SMC1B: variants seen among roughly 807,000 people sequenced by gnomAD.
SMC1B encodes the protein structural maintenance of chromosomes protein 1B.
SMC1B carries 60 observed loss-of-function variants against 157.9 expected under a neutral mutation model. That is an observed-to-expected ratio of 0.38 (90% CI 0.31 to 0.47). The LOEUF is 0.47. Among genes scored for constraint, SMC1B ranks in the 20% least tolerant of loss-of-function variants. The pLI is 0.99. For missense variants in SMC1B, 1,165 were observed against 1,426.2 expected (o/e 0.82, Z 2.95); for synonymous variants, 445 against 483.0 (o/e 0.92, Z 1.03).
intron 1 of SMC1B, among the ~76,000 whole-genome samples, chr22:45,412,721 G>T (rs891346385): frequency 1.4e-4 from 22 of 152,156 alleles, no homozygotes; most frequent in African/African-American, 5.1e-4. Flanking sequence ...GGCCTCTCCA[G>T]ACCTCAGTTT....
chr22:45,364,543 C>T lies in SMC1B; in HGVS notation c.2421-1517G>A, dbSNP rs2086753923. 2.0e-5 allele frequency among the ~76,000 whole-genome samples: 3 copies of T among 152,094 alleles called. No individual in the cohort carries two copies. The South Asian group carries it at 6.2e-4, about 32-fold the overall frequency. On this transcript the variant is annotated intron_variant, in intron 15 of 24. Coordinates refer to ENST00000357450, the MANE Select transcript of SMC1B (RefSeq NM_148674.5). ...AGGAACAGAGAGCTAAGCAACTTGC[C>T]CAAGGCTACCCACTTAGTGGTAGAG...
At chr22:45,388,986 C>CAA (rs371475132) in intron 10 of SMC1B, among the ~76,000 whole-genome samples, 799 of 54,420 alleles carry the variant, frequency 0.015, 74 homozygotes, top group African/African-American at 0.045. Context: ...GACTCTGCCT[C>CAA]AAAAAAAAAA....
intron 12 of SMC1B, among the ~76,000 whole-genome samples, chr22:45,379,787 C>T (rs560342428): frequency 6.1e-4 from 75 of 122,248 alleles, no homozygotes; most frequent in African/African-American, 2.4e-3. Context: ...GGCTGGAGTG[C>T]AGTGGCGCAA....
In SMC1B at chr22:45,389,902, G is replaced by C. The variant is rs1215933941; in HGVS notation, c.1546-5C>G. On this transcript the variant is annotated splice_region_variant and splice_polypyrimidine_tract_variant and intron_variant, in intron 9 of 24. Coordinates refer to ENST00000357450, the MANE Select transcript of SMC1B (RefSeq NM_148674.5). ...CAGGTCAAATAGTCTTCCAAACTTA[G>C]CAGGTTTCAAAAAAGGAGAGAAAAA... The C allele has an allele frequency of 6.2e-7, 1 of 1,606,542 alleles. No individual in the cohort carries two copies. The highest frequency in any genetic ancestry group is 1.7e-5 in the Admixed American group (1 of 58,082).
In SMC1B at chr22:45,402,365, A is replaced by G; in HGVS notation, c.822T>C (p.Thr274=). The part of the protein sequence containing the change: ...KARKKEHGML[T]RQLQQTEKEL... ...CTTTTTCTGTTTGTTGTAGTTGTCT[A>G]GTTAGCATTCCATGTTCCTTTTTCC... Residue 274 remains threonine (T), a synonymous_variant, in exon 5 of 25, where the codon ACT becomes ACC. Transcript: ENST00000357450. 6.2e-7 allele frequency: 1 copy of G among 1,613,348 alleles called. No individual in the cohort carries two copies. The highest frequency in any genetic ancestry group is 1.1e-5 in the South Asian group (1 of 90,944).
chr22:45,352,318 G>T, intron 22 of SMC1B, 133 bp downstream of exon 22: 2 of 747,638 alleles, frequency 2.7e-6, no homozygotes, highest in Non-Finnish European at 3.9e-6. Context: ...AATCTGAATT[G>T]TCTGGCTGAA....
intron 4 of SMC1B, among the ~76,000 whole-genome samples, chr22:45,404,447 C>CT (rs1023267636): frequency 3.3e-5 from 5 of 152,082 alleles, no homozygotes; most frequent in African/African-American, 9.7e-5. Flanking sequence ...TTTTCCAAAC[C>CT]TTTTTTCCTG....
At chr22:45,375,398 T>G (rs1042115176) in intron 12 of SMC1B, among the ~76,000 whole-genome samples, 2 of 152,224 alleles carry the variant, frequency 1.3e-5, no homozygotes, top group African/African-American at 4.8e-5. Context: ...TGTCAGGACC[T>G]CCTGAGACTG....
chr22:45,398,579 C>T (rs1022877585), intron 6 of SMC1B, among the ~76,000 whole-genome samples: 1 of 152,178 alleles, frequency 6.6e-6, no homozygotes, highest in African/African-American at 2.4e-5. Flanking sequence ...CCTGTAATCC[C>T]CGTACTTTGG....
Position 45,413,437 on chromosome 22 carries a change from GCGCCCTGAGCTGCT to G in SMC1B, c.109+8_109+21del. ...CTGGGACGGCGGAGGCGCTCCGGTG[GCGCCCTGAGCTGCT>G]CAGTTACCAGAGCCGTTGGGGCCGA... On this transcript the variant is annotated splice_region_variant and intron_variant, in intron 1 of 24. Transcript: ENST00000357450. The G allele has an allele frequency of 6.4e-7, 1 of 1,562,130 alleles. No homozygotes were observed. The highest frequency in any genetic ancestry group is 8.7e-7 in the Non-Finnish European group (1 of 1,146,908).
chr22:45,381,372 G>C (rs954791995), intron 12 of SMC1B, among the ~76,000 whole-genome samples: 1 of 152,058 alleles, frequency 6.6e-6, no homozygotes, highest in African/African-American at 2.4e-5. Context: ...CCCTGAGACA[G>C]AGACCACCCT....
intron 12 of SMC1B, among the ~76,000 whole-genome samples, chr22:45,382,205 TA>T (rs1169869928): frequency 6.6e-6 from 1 of 152,188 alleles, no homozygotes; most frequent in African/African-American, 2.4e-5. Flanking sequence ...CCAGAAGTTA[TA>T]AAAGATTAAA....
intron 12 of SMC1B, among the ~76,000 whole-genome samples, chr22:45,374,413 G>A (rs2086865538): frequency 6.6e-6 from 1 of 152,142 alleles, no homozygotes; most frequent in Admixed American, 6.6e-5. Context: ...ATCAGGCCCA[G>A]TACAATACAG....
At chr22:45,407,570 T>G (rs1322373803) in intron 2 of SMC1B, among the ~76,000 whole-genome samples, 1 of 152,020 alleles carries the variant, frequency 6.6e-6, no homozygotes, top group East Asian at 1.9e-4. Context: ...CAAGTCATCT[T>G]CCCACCTCAG....
intron 1 of SMC1B, among the ~76,000 whole-genome samples, chr22:45,411,271 T>C (rs758842458): frequency 6.6e-6 from 1 of 152,216 alleles, no homozygotes; most frequent in African/African-American, 2.4e-5. Flanking sequence ...AGGAAATAAG[T>C]ACTAATACAA....
Position 45,344,551 on chromosome 22 carries a change from T to C in SMC1B, c.*5A>G. Reference sequence around the variant, plus strand: ...AGTGATCAGGTGACTGCTGCAGGACTGCCCCTAGCGGGACTCTCCGTGTCT... The same window carrying C: ...AGTGATCAGGTGACTGCTGCAGGACCGCCCCTAGCGGGACTCTCCGTGTCT... On this transcript the variant is annotated 3_prime_UTR_variant, in exon 25 of 25. Coordinates refer to ENST00000357450, the MANE Select transcript of SMC1B (RefSeq NM_148674.5). 6.2e-7 allele frequency: 1 copy of C among 1,603,706 alleles called. No homozygotes were observed. The highest frequency in any genetic ancestry group is 1.1e-5 in the South Asian group (1 of 90,882).
chr22:45,406,354 T>TA, intron 4 of SMC1B, 106 bp downstream of exon 4: 1 of 853,124 alleles, frequency 1.2e-6, no homozygotes, highest in Non-Finnish European at 1.8e-6. Context: ...AATTGTCTTA[T>TA]ACTATTAAAT....
chr22:45,352,729 A>T (rs567887028), intron 21 of SMC1B, 127 bp from the exon 22 acceptor site: 6 of 885,164 alleles, frequency 6.8e-6, no homozygotes, highest in Non-Finnish European at 1.0e-5. Context: ...ACCAATGCCT[A>T]TAAATAATGT....
chr22:45,386,430 T>G (rs978417887), intron 11 of SMC1B, among the ~76,000 whole-genome samples: 3 of 152,112 alleles, frequency 2.0e-5, no homozygotes, highest in Admixed American at 6.6e-5. Context: ...AATTCAAATA[T>G]GTTAAACCTT....
Sources: gnomAD v4.1 joint callset for allele counts (sites outside exome capture counted in the v4.1 genomes callset) on GRCh38, gnomAD v4.1.1 for gene constraint, MANE v1.5 for transcripts, NCBI Gene and HGNC (gene_info 2026-07-23, HGNC 2026-07-21) for gene names.